Variants in NAALADL2 observed in about 807,000 individuals in gnomAD.
NAALADL2 encodes inactive N-acetylated-alpha-linked acidic dipeptidase-like protein 2.
A neutral mutation model predicts 87.2 loss-of-function variants in NAALADL2; 76 were observed. The ratio of observed to expected loss-of-function variants is 0.87; its 90% CI spans 0.72 to 1.05. The LOEUF (loss-of-function observed/expected upper bound fraction) is 1.05, where lower values mean the gene tolerates loss of function less well. NAALADL2 is among the 50% of genes least tolerant of loss of function. The pLI is 0.00. For missense variants in NAALADL2, 1,089 were observed against 945.8 expected (o/e 1.15, Z -1.99); for synonymous variants, 354 against 331.0 (o/e 1.07, Z -0.75).
At chr3:175,443,782 G>T (rs1720214076) in intron 5 of NAALADL2, among the ~76,000 whole-genome samples, 1 of 152,266 alleles carries the variant, frequency 6.6e-6, no homozygotes, top group Non-Finnish European at 1.5e-5. Flanking sequence ...TTGCTTTCAA[G>T]AATTTATAGT....
intron 1 of NAALADL2, among the ~76,000 whole-genome samples, chr3:174,451,667 T>C (rs1715488745): frequency 1.3e-5 from 2 of 152,196 alleles, no homozygotes; most frequent in African/African-American, 4.8e-5. Flanking sequence ...ATTGCTCTTA[T>C]TCATGTGCCT....
chr3:175,379,823 C>A, intron 5 of NAALADL2, among the ~76,000 whole-genome samples: 1 of 152,114 alleles, frequency 6.6e-6, no homozygotes, highest in East Asian at 1.9e-4. Context: ...ATCCAAATTT[C>A]TGATTAAAGA....
intron 1 of NAALADL2, among the ~76,000 whole-genome samples, chr3:174,495,739 C>T (rs1298493253): frequency 7.7e-6 from 1 of 129,130 alleles, no homozygotes; most frequent in Non-Finnish European, 1.6e-5. Flanking sequence ...ACTTAATAGA[C>T]TTCTTGGTGT....
At chr3:174,441,901 A>G (rs964234420) in intron 1 of NAALADL2, among the ~76,000 whole-genome samples, 8 of 152,046 alleles carry the variant, frequency 5.3e-5, no homozygotes, top group Non-Finnish European at 7.4e-5. Flanking sequence ...TAAAGGATTA[A>G]TTAACTGTGG....
intron 3 of NAALADL2, among the ~76,000 whole-genome samples, chr3:175,250,532 T>C (rs549294498): frequency 2.6e-5 from 4 of 152,182 alleles, no homozygotes; most frequent in Non-Finnish European, 5.9e-5. Flanking sequence ...TTAACAATAG[T>C]CATTACTCAA....
intron 2 of NAALADL2, among the ~76,000 whole-genome samples, chr3:175,139,329 GA>G (rs1409423592): frequency 1.3e-5 from 2 of 151,668 alleles, no homozygotes; most frequent in Non-Finnish European, 2.9e-5. Context: ...GTGATTCATT[GA>G]AAAAAAGAAG....
intron 2 of NAALADL2, among the ~76,000 whole-genome samples, chr3:175,199,856 ATATATATATTTTTTTTTTTTT>A (rs1474534321): frequency 1.5e-4 from 3 of 19,432 alleles, no homozygotes; most frequent in East Asian, 1.6e-3. Context: ...ATATATATAT[ATATATATATTTTTTTTTTTTT>A]TTTTTTTTTT....
intron 5 of NAALADL2, among the ~76,000 whole-genome samples, chr3:175,409,622 C>T (rs1713092662): frequency 6.6e-6 from 1 of 151,140 alleles, no homozygotes; most frequent in Non-Finnish European, 1.5e-5. Flanking sequence ...TTTTTTTTAC[C>T]AATCTCCCTC....
At position 175,352,580 on chromosome 3, in the gene NAALADL2, A is replaced by G. The variant is rs1763889702; in HGVS notation, c.1090+28255A>G. 2.6e-5 allele frequency among the ~76,000 whole-genome samples: 4 copies of G among 152,266 alleles called. 1 individual carries two copies. In the South Asian group the frequency reaches 8.3e-4, roughly 32 times the overall value. On this transcript the variant is annotated intron_variant, in intron 5 of 13. Transcript: ENST00000454872. ...AGGATATAAGGTGCTGCCATTCAAG[A>G]ACTATTCCTAGTGCCTCAAAGTCTC... is the stretch of plus-strand genomic sequence containing the variant.
chr3:175,328,160 G>A (rs776582245), intron 5 of NAALADL2, among the ~76,000 whole-genome samples: 1 of 152,150 alleles, frequency 6.6e-6, no homozygotes, highest in Non-Finnish European at 1.5e-5. Context: ...TATCACACTA[G>A]GATCATGGCA....
intron 1 of NAALADL2, among the ~76,000 whole-genome samples, chr3:175,075,235 C>T (rs1038117285): frequency 5.3e-5 from 8 of 151,998 alleles, no homozygotes; most frequent in East Asian, 1.9e-4. Flanking sequence ...ACAATTGTAA[C>T]GTATGCTATT....
intron 3 of NAALADL2, among the ~76,000 whole-genome samples, chr3:175,242,595 G>A (rs1044888384): frequency 6.6e-6 from 1 of 152,154 alleles, no homozygotes; most frequent in Admixed American, 6.6e-5. Flanking sequence ...ATTAAATAAA[G>A]TGTCCTGTGA....
chr3:175,653,233 A>C (rs1244998201), intron 11 of NAALADL2, among the ~76,000 whole-genome samples: 1 of 152,088 alleles, frequency 6.6e-6, no homozygotes, highest in East Asian at 1.9e-4. Flanking sequence ...AAGGCAAAAA[A>C]AAAATCAGTG....
chr3:174,779,248 CAT>C (rs559314850), intron 3 of NAALADL2, among the ~76,000 whole-genome samples: 180 of 152,056 alleles, frequency 1.2e-3, no homozygotes, highest in African/African-American at 4.1e-3. Context: ...AGCTTTTTTT[CAT>C]ATGTTTGTTG....
chr3:175,041,326 A>G (rs1028285330), intron 1 of NAALADL2, among the ~76,000 whole-genome samples: 2 of 152,186 alleles, frequency 1.3e-5, no homozygotes, highest in Non-Finnish European at 2.9e-5. Flanking sequence ...GGAGGAAACC[A>G]TGTTTCAAAT....
chr3:174,876,787 G>T, intron 1 of NAALADL2, among the ~76,000 whole-genome samples: 1 of 152,100 alleles, frequency 6.6e-6, no homozygotes. Flanking sequence ...TTTGTGGCAG[G>T]GATATTTCTT....
At chr3:175,532,406 C>T (rs1734206058) in intron 9 of NAALADL2, among the ~76,000 whole-genome samples, 3 of 152,174 alleles carry the variant, frequency 2.0e-5, no homozygotes, top group African/African-American at 7.2e-5. Flanking sequence ...AGTCCTTCCT[C>T]AAGGGGACTT....
intron 2 of NAALADL2, among the ~76,000 whole-genome samples, chr3:174,645,229 G>A (rs1291142575): frequency 6.6e-6 from 1 of 152,192 alleles, no homozygotes; most frequent in East Asian, 1.9e-4. Context: ...AATAGAGAGT[G>A]AAACACATCT....
chr3:174,817,727 C>G (rs1430967102), intron 3 of NAALADL2, among the ~76,000 whole-genome samples: 1 of 152,056 alleles, frequency 6.6e-6, no homozygotes, highest in Non-Finnish European at 1.5e-5. Flanking sequence ...TATCACTCTC[C>G]TTAGACTAAT....
Sources: allele counts gnomAD v4.1 joint callset (sites outside exome capture counted in the v4.1 genomes callset), GRCh38; gene constraint gnomAD v4.1.1; transcripts MANE v1.5; gene names NCBI Gene and HGNC (gene_info 2026-07-23, HGNC 2026-07-21).